The following PDS5B variants were observed in gnomAD, a reference collection of about 807,000 sequenced individuals.
PDS5B encodes the protein PDS5 cohesin associated factor B, also known as sister chromatid cohesion protein PDS5 homolog B.
In PDS5B, 51 loss-of-function variants were observed where a neutral mutation model predicts 184.1. That is an observed-to-expected ratio of 0.28 (90% CI 0.22 to 0.35). The LOEUF is 0.35. PDS5B is among the 10% of genes least tolerant of loss of function. The probability of loss-of-function intolerance (pLI) is 1.00; values close to 1 mark genes in which losing one functional copy is unlikely to be tolerated. For synonymous variants in PDS5B, 566 were observed against 569.2 expected (o/e 0.99, Z 0.08); for missense variants, 1,180 against 1,723.3 (o/e 0.68, Z 5.58).
At chr13:32,719,956 A>AT (rs57485603) in intron 19 of PDS5B, among the ~76,000 whole-genome samples, 1,579 of 151,062 alleles carry the variant, frequency 0.01, 40 homozygotes, top group African/African-American at 0.036. Context: ...ACCCCTGGCA[A>AT]TTTTTTTTTG....
rs758755385 is a variant in PDS5B, at chr13:32,648,848, A to G, written c.76A>G (p.Ile26Val). 3.3e-6 allele frequency: 5 copies of G among 1,519,902 alleles called. No individual in the cohort carries two copies. The African/African-American group carries it at 6.8e-5, about 21-fold the overall frequency. 94.2% of individuals were successfully genotyped at this position (1,519,902 alleles called of 1,614,324 possible). Reference protein sequence around the residue: ...PPGVKEISDKISKEEMVRRLK... With the variant: ...PPGVKEISDKVSKEEMVRRLK... ...TGGGGTCAAGGAAATATCAGATAAA[A>G]TATCTAAAGAGGAGATGGTGAGACG... The change falls in exon 2 of 35, where the codon ATA (isoleucine) becomes GTA (valine). Residue 26 changes from isoleucine to valine, a missense_variant. Physicochemically the swap from Ile to Val is conservative, Grantham distance 29 (BLOSUM62 3). Coordinates refer to ENST00000315596, the MANE Select transcript of PDS5B (RefSeq NM_015032.4).
chr13:32,736,689 A>G (rs1297648716), intron 21 of PDS5B, among the ~76,000 whole-genome samples: 1 of 152,090 alleles, frequency 6.6e-6, no homozygotes, highest in African/African-American at 2.4e-5. Context: ...TTATCTTTAC[A>G]TATACGATTT....
chr13:32,708,674 G>A (rs1437016092), intron 18 of PDS5B, among the ~76,000 whole-genome samples: 3 of 152,002 alleles, frequency 2.0e-5, no homozygotes, highest in African/African-American at 7.3e-5. Context: ...CAAAAATAAT[G>A]TTTTAATTTG....
intron 1 of PDS5B, among the ~76,000 whole-genome samples, chr13:32,586,830 G>C (rs2057685108): frequency 6.9e-6 from 1 of 145,464 alleles, no homozygotes; most frequent in African/African-American, 2.5e-5. Context: ...TGGGGGTGGG[G>C]AGGGCCCCGC....
Position 32,631,136 on chromosome 13 carries a change from G to A in PDS5B, c.-19-17618G>A, listed in dbSNP as rs1442625392. On this transcript the variant is annotated intron_variant, in intron 1 of 34. Coordinates refer to ENST00000315596, the MANE Select transcript of PDS5B (RefSeq NM_015032.4). ...TTTCTTTCTTTTTTTTTTTTTTTGA[G>A]ATGGGGTCTCACTCTGTTGCTTGGG... Among the ~76,000 whole-genome samples, 256 of 132,272 alleles carry A rather than the reference G, an allele frequency of 1.9e-3. 2 individuals carry two copies. Among genetic ancestry groups the A allele is most frequent in the African/African-American group, 6.7e-3 (235 of 35,312 alleles). The allele number at this position is 132,272 out of a possible 152,430, so 86.8% of individuals were successfully genotyped here.
At chr13:32,699,665 T>G in intron 15 of PDS5B, 65 bp from the exon 16 acceptor site, 1 of 862,516 alleles carries the variant, frequency 1.2e-6, no homozygotes, top group Non-Finnish European at 1.6e-6. Context: ...ATGAAAAATA[T>G]TGACCTATTA....
Position 32,694,255 on chromosome 13 carries a change from T to G in PDS5B, c.1502T>G (p.Leu501Arg). 6.2e-7 allele frequency: 1 copy of G among 1,603,588 alleles called. No individual in the cohort carries two copies. Among genetic ancestry groups the G allele is most frequent in the Non-Finnish European group, 8.5e-7 (1 of 1,175,952 alleles). Reference protein sequence around the residue: ...ALNEMWKCQNLLRHQVKDLLD... With the variant: ...ALNEMWKCQNRLRHQVKDLLD... ...AATGAAATGTGGAAATGTCAAAATC[T>G]GCTCCGACATCAAGTAAAGGATTTG... The change falls in exon 14 of 35, where the codon CTG becomes CGG. Residue 501 changes from leucine to arginine, a missense_variant. Physicochemically the swap from Leu to Arg is moderately radical, Grantham distance 102. Transcript: ENST00000315596.
At chr13:32,719,124 A>C (rs1340071600) in intron 19 of PDS5B, among the ~76,000 whole-genome samples, 1 of 152,210 alleles carries the variant, frequency 6.6e-6, no homozygotes, top group African/African-American at 2.4e-5. Context: ...TTTGTAGAGG[A>C]AGGGACACTT....
At chr13:32,732,457 T>G (rs898449793) in intron 20 of PDS5B, among the ~76,000 whole-genome samples, 4 of 152,108 alleles carry the variant, frequency 2.6e-5, no homozygotes, top group Admixed American at 1.3e-4. Context: ...GTACATTGGT[T>G]TATATATTTG....
At chr13:32,647,188 T>G (rs2140648366) in intron 1 of PDS5B, among the ~76,000 whole-genome samples, 1 of 152,330 alleles carries the variant, frequency 6.6e-6, no homozygotes, top group African/African-American at 2.4e-5. Flanking sequence ...TCTCTATAAC[T>G]TCCATGAATT....
At position 32,701,407 on chromosome 13, in the gene PDS5B, G is replaced by C; in HGVS notation, c.1825G>C (p.Ala609Pro). 6.2e-7 allele frequency: 1 copy of C among 1,609,596 alleles called. No individual in the cohort carries two copies. The highest frequency in any genetic ancestry group is 8.5e-7 in the Non-Finnish European group (1 of 1,176,424). ...GATCAAGTTTCTCTTGGAGAGGATAGCACCTGTGCACATAGATACCGAATC... is the reference window on the plus strand; with the variant it reads ...GATCAAGTTTCTCTTGGAGAGGATACCACCTGTGCACATAGATACCGAATC... ...EMIKFLLERIAPVHIDTESIS... is the reference protein window; with the variant it reads ...EMIKFLLERIPPVHIDTESIS... Residue 609 changes from alanine to proline, a missense_variant, in exon 17 of 35, where the codon GCA becomes CCA. By Grantham distance (27) the Ala-to-Pro change is conservative. Transcript: ENST00000315596.
At chr13:32,707,448 G>A (rs964741320) in intron 18 of PDS5B, among the ~76,000 whole-genome samples, 2 of 151,646 alleles carry the variant, frequency 1.3e-5, no homozygotes, top group Non-Finnish European at 2.9e-5. Flanking sequence ...AAAAACATAG[G>A]TTGATCATAC....
chr13:32,672,165 G>T (rs1950955370), intron 7 of PDS5B, among the ~76,000 whole-genome samples: 1 of 152,120 alleles, frequency 6.6e-6, no homozygotes, highest in Non-Finnish European at 1.5e-5. Context: ...GAAGACAAAG[G>T]ATTAGGAAGA....
chr13:32,705,739 G>C (rs2140882687), intron 17 of PDS5B, among the ~76,000 whole-genome samples: 1 of 152,194 alleles, frequency 6.6e-6, no homozygotes, highest in East Asian at 1.9e-4. Context: ...GAGTGCAGTG[G>C]TGCATCATAG....
chr13:32,735,480 C>T (rs1953299694), intron 21 of PDS5B, 150 bp downstream of exon 21: 8 of 577,920 alleles, frequency 1.4e-5, no homozygotes, highest in Non-Finnish European at 2.4e-5. Context: ...AGCCTTGTCT[C>T]CATTATAAGC....
chr13:32,747,607 T>C (rs1256317076), intron 24 of PDS5B, among the ~76,000 whole-genome samples: 5 of 151,500 alleles, frequency 3.3e-5, no homozygotes, highest in African/African-American at 7.2e-5. Context: ...AAAAAAAAAT[T>C]TGGGGGGAGC....
At chr13:32,687,025 TA>T (rs918800010) in intron 11 of PDS5B, 108 bp from the exon 12 acceptor site, 26 of 795,238 alleles carry the variant, frequency 3.3e-5, no homozygotes, top group African/African-American at 5.4e-5. Context: ...ATCTGAGACT[TA>T]AAAAAATGTA....
intron 24 of PDS5B, among the ~76,000 whole-genome samples, chr13:32,750,994 T>C (rs1953963045): frequency 6.6e-6 from 1 of 152,116 alleles, no homozygotes; most frequent in Admixed American, 6.5e-5. Context: ...GTGATAAGCA[T>C]AGTACCCAAA....
intron 3 of PDS5B, among the ~76,000 whole-genome samples, chr13:32,652,789 T>C (rs1950405286): frequency 6.6e-6 from 1 of 151,096 alleles, no homozygotes; most frequent in Admixed American, 6.6e-5. Flanking sequence ...GTGAACAAAA[T>C]TTTAATGGAA....
Sources: allele counts gnomAD v4.1 joint callset (sites outside exome capture counted in the v4.1 genomes callset), GRCh38; gene constraint gnomAD v4.1.1; transcripts MANE v1.5; gene names NCBI Gene and HGNC (gene_info 2026-07-23, HGNC 2026-07-21).